Variants in PDZD9 observed in about 807,000 individuals in gnomAD.
PDZD9 encodes PDZ domain-containing protein 9.
A neutral mutation model predicts 16.3 loss-of-function variants in PDZD9; 13 were observed. That is an observed-to-expected ratio of 0.80 (90% CI 0.52 to 1.27). PDZD9 has a LOEUF of 1.27. Ranked by LOEUF, PDZD9 falls within the 50% of genes most tolerant of loss-of-function variation. PDZD9 has a pLI of 0.00. For missense variants in PDZD9, 288 were observed against 310.9 expected, an observed-to-expected ratio of 0.93 and a Z score of 0.55; for synonymous variants, 120 against 111.0, an observed-to-expected ratio of 1.08 and a Z score of -0.51.
intron 1 of PDZD9, chr16:21,998,314 A>C: frequency 4.7e-6 from 1 of 213,972 alleles, no homozygotes; most frequent in Non-Finnish European, 1.0e-5. Flanking sequence ...CAGAAGAAGG[A>C]CATGTCTCAG....
chr16:21,976,270 A>G, the PDZD9 span: 2 of 1,565,208 alleles, frequency 1.3e-6, no homozygotes, highest in Non-Finnish European at 1.8e-6. Context: ...ACTGTGTTTT[A>G]TGTTTTTGTT....
the PDZD9 span, chr16:21,958,655 A>G: frequency 6.7e-7 from 1 of 1,496,828 alleles, no homozygotes; most frequent in Non-Finnish European, 9.2e-7. Flanking sequence ...TTCAATTTTA[A>G]GGGAACTTTT....
At chr16:21,968,891 T>C in the PDZD9 span, among the ~76,000 whole-genome samples, 2 of 152,210 alleles carry the variant, frequency 1.3e-5, no homozygotes, top group African/African-American at 4.8e-5. Context: ...ACCACTGGCT[T>C]TAAATTCTTT....
chr16:21,984,288 T>A lies in PDZD9; in HGVS notation c.774A>T (p.Gln258His). ...DCAQVEEGKAQLVSKVG is the reference protein window; with the variant it reads ...DCAQVEEGKAHLVSKVG ...TTTGCTAACCAACCTTTGATACCAGTTGGGCTTTACCCTCTTCAACTTGGG... is the reference window on the plus strand; with the variant it reads ...TTTGCTAACCAACCTTTGATACCAGATGGGCTTTACCCTCTTCAACTTGGG... The change falls in exon 4 of 4, where the codon CAA becomes CAT. Residue 258 changes from glutamine to histidine, a missense_variant. Coordinates refer to ENST00000424898, the MANE Select transcript of PDZD9 (RefSeq NM_001363519.1). 1.9e-6 allele frequency: 3 copies of A among 1,610,774 alleles called. No homozygotes were observed. Among genetic ancestry groups the A allele is most frequent in the Non-Finnish European group, 2.5e-6 (3 of 1,177,716 alleles).
At chr16:21,986,978 T>C (rs1365705833) in intron 3 of PDZD9, among the ~76,000 whole-genome samples, 3 of 152,082 alleles carry the variant, frequency 2.0e-5, no homozygotes, top group Non-Finnish European at 4.4e-5. Flanking sequence ...GGGAAAGCAG[T>C]ATGAGTTGAA....
At chr16:21,994,401 G>A (rs928670369) in intron 2 of PDZD9, among the ~76,000 whole-genome samples, 1 of 152,206 alleles carries the variant, frequency 6.6e-6, no homozygotes, top group African/African-American at 2.4e-5. Context: ...AGCCCATTCT[G>A]CCTCCCCAAC....
chr16:21,957,579 A>G, the PDZD9 span: 1 of 1,613,060 alleles, frequency 6.2e-7, no homozygotes, highest in Non-Finnish European at 8.5e-7. Flanking sequence ...GAGTATCTTC[A>G]CTTCCTCAAG....
chr16:21,998,141 G>A (rs1158426120), intron 1 of PDZD9, among the ~76,000 whole-genome samples: 1 of 152,192 alleles, frequency 6.6e-6, no homozygotes, highest in East Asian at 1.9e-4. Flanking sequence ...CCCTGCCTGA[G>A]CCTCTGGTTC....
chr16:21,972,062 C>T, the PDZD9 span: 2 of 1,614,120 alleles, frequency 1.2e-6, no homozygotes, highest in South Asian at 1.1e-5. Context: ...TCAAGAGGGG[C>T]AGCAACACCA....
intron 3 of PDZD9, among the ~76,000 whole-genome samples, chr16:21,987,807 G>A (rs557650238): frequency 1.3e-5 from 2 of 152,180 alleles, no homozygotes; most frequent in East Asian, 3.9e-4. Flanking sequence ...GGAAACAGAG[G>A]TGTCTAATAC....
the PDZD9 span, chr16:21,957,669 C>T: frequency 1.4e-6 from 2 of 1,477,432 alleles, no homozygotes. Context: ...ATTCCTTGAC[C>T]TGCCATAACA....
chr16:21,966,168 A>G, the PDZD9 span, among the ~76,000 whole-genome samples: 8 of 151,738 alleles, frequency 5.3e-5, no homozygotes, highest in African/African-American at 1.9e-4. Context: ...AAATATATAT[A>G]TATGTGTGTG....
chr16:21,966,835 C>G, the PDZD9 span, among the ~76,000 whole-genome samples: 1 of 152,102 alleles, frequency 6.6e-6, no homozygotes, highest in African/African-American at 2.4e-5. Context: ...TATTGTAATA[C>G]TAGTTTATAA....
rs980935390 is a variant in PDZD9, at chr16:21,984,018, AAAAG to A, written c.*245_*248del. 13 of 335,622 alleles carry A rather than the reference AAAAG, an allele frequency of 3.9e-5. No individual in the cohort carries two copies. Among genetic ancestry groups the A allele is most frequent in the Admixed American group, 1.3e-4 (3 of 22,882 alleles). The allele number at this position is 335,622 out of a possible 1,614,324, so 20.8% of individuals were successfully genotyped here. On this transcript the variant is annotated 3_prime_UTR_variant, in exon 4 of 4. Transcript: ENST00000424898. ...ATTGGATTTCTCTACGGCATTTTCTAAAAGAAAGAAATTCTTCTCAAAAAGGAGG... is the reference window on the plus strand; with the variant it reads ...ATTGGATTTCTCTACGGCATTTTCTAAAAGAAATTCTTCTCAAAAAGGAGG...
chr16:21,998,815 A>C (rs1215701339), intron 1 of PDZD9: 3 of 153,478 alleles, frequency 2.0e-5, no homozygotes, highest in Non-Finnish European at 4.4e-5. Flanking sequence ...GAGAGAAAAA[A>C]ACCTTGACAA....
chr16:21,958,342 A>C, the PDZD9 span, among the ~76,000 whole-genome samples: 5 of 152,360 alleles, frequency 3.3e-5, no homozygotes, highest in African/African-American at 1.2e-4. Context: ...GAAATTTTAC[A>C]TGAATGTACT....
chr16:21,978,678 C>T, the PDZD9 span, among the ~76,000 whole-genome samples: 1 of 152,212 alleles, frequency 6.6e-6, no homozygotes, highest in African/African-American at 2.4e-5. Context: ...TAATTTCGTA[C>T]TGACAGCTTT....
At chr16:21,970,249 TAAAC>T in the PDZD9 span, among the ~76,000 whole-genome samples, 1 of 152,242 alleles carries the variant, frequency 6.6e-6, no homozygotes, top group Non-Finnish European at 1.5e-5. Flanking sequence ...GTCGTAAATA[TAAAC>T]ATTCACGTGT....
At chr16:21,964,401 C>T in the PDZD9 span, among the ~76,000 whole-genome samples, 1 of 152,230 alleles carries the variant, frequency 6.6e-6, no homozygotes, top group Admixed American at 6.5e-5. Context: ...AGTGATCCTT[C>T]TGACGTGAAA....
Sources: gnomAD v4.1 joint callset for allele counts (sites outside exome capture counted in the v4.1 genomes callset) on GRCh38, gnomAD v4.1.1 for gene constraint, MANE v1.5 for transcripts, NCBI Gene and HGNC (gene_info 2026-07-23, HGNC 2026-07-21) for gene names.